Variants in USH2A observed in about 807,000 individuals in gnomAD.
USH2A encodes the protein Usher syndrome 2A (autosomal recessive, mild).
In USH2A, 443 loss-of-function variants were observed where a neutral mutation model predicts 538.9. The ratio of observed to expected loss-of-function variants is 0.82; its 90% CI spans 0.76 to 0.89. The LOEUF (loss-of-function observed/expected upper bound fraction) is 0.89. USH2A is among the 40% of genes least tolerant of loss of function. The pLI, the probability that USH2A is intolerant of heterozygous loss-of-function variation, is 0.00. For synonymous variants in USH2A, 2,413 were observed against 2,273.5 expected (o/e 1.06, Z -1.75); for missense variants, 6,633 against 6,324.8 (o/e 1.05, Z -1.65).
chr1:215,674,065 G>T, intron 63 of USH2A, 35 bp downstream of exon 63: 1 of 1,613,592 alleles, frequency 6.2e-7, no homozygotes, highest in Non-Finnish European at 8.5e-7. Flanking sequence ...GTCAGCAGTG[G>T]CTTACTCTCA....
intron 22 of USH2A, among the ~76,000 whole-genome samples, chr1:216,089,960 G>A (rs1010064257): frequency 6.6e-6 from 1 of 151,872 alleles, no homozygotes. Flanking sequence ...AAGACTAAGT[G>A]AAAGATATCC....
At chr1:215,753,473 A>G (rs1660685478) in intron 58 of USH2A, among the ~76,000 whole-genome samples, 2 of 152,234 alleles carry the variant, frequency 1.3e-5, no homozygotes, top group South Asian at 4.1e-4. Context: ...ATGGAATACT[A>G]TGCAGCCATA....
Position 216,369,334 on chromosome 1 carries a change from A to G in USH2A, c.652-4249T>C, listed in dbSNP as rs1169304360. Among the ~76,000 whole-genome samples the G allele has an allele frequency of 2.0e-5, 3 of 152,170 alleles. No individual in the cohort carries two copies. The East Asian group carries it at 5.8e-4, about 29-fold the overall frequency. ...GTGGAATCCCCACACATCCCATCCT[A>G]TTGCTTACCATCCTAAACCTAAGGC... is the stretch of plus-strand genomic sequence containing the variant. On this transcript the variant is annotated intron_variant, in intron 3 of 71. Coordinates refer to ENST00000307340, the MANE Select transcript of USH2A (RefSeq NM_206933.4).
chr1:216,422,419 A>T lies in USH2A; in HGVS notation c.-83T>A. 1 of 1,592,406 alleles carries T rather than the reference A, an allele frequency of 6.3e-7. No homozygotes were observed. The highest frequency in any genetic ancestry group is 8.6e-7 in the Non-Finnish European group (1 of 1,167,158). The stretch of plus-strand genomic sequence containing the variant: ...ACGCCACTTGCCAGCAATACTTTGA[A>T]GCAGGGTACTTTAAGTGATGTTGCG... On this transcript the variant is annotated 5_prime_UTR_variant, in exon 2 of 72. Coordinates refer to ENST00000307340, the MANE Select transcript of USH2A (RefSeq NM_206933.4).
chr1:215,825,661 T>C (rs1410077788), intron 47 of USH2A, among the ~76,000 whole-genome samples: 2 of 152,218 alleles, frequency 1.3e-5, no homozygotes, highest in African/African-American at 4.8e-5. Context: ...AGGCTTTTTT[T>C]CTAATCGATT....
chr1:215,632,325 T>G (rs1656309226), intron 70 of USH2A, among the ~76,000 whole-genome samples: 1 of 152,212 alleles, frequency 6.6e-6, no homozygotes, highest in African/African-American at 2.4e-5. Flanking sequence ...TGCAGATAGT[T>G]CATGGTCCTC....
At chr1:215,891,408 C>A (rs910805852) in intron 40 of USH2A, among the ~76,000 whole-genome samples, 2 of 152,276 alleles carry the variant, frequency 1.3e-5, no homozygotes, top group South Asian at 2.1e-4. Flanking sequence ...TGACTCCTGG[C>A]ACTCTTTCAA....
intron 21 of USH2A, among the ~76,000 whole-genome samples, chr1:216,151,549 A>G (rs1055613297): frequency 1.3e-5 from 2 of 152,178 alleles, no homozygotes; most frequent in Admixed American, 6.5e-5. Flanking sequence ...AACGTCTGTC[A>G]TGACCTTCTG....
intron 52 of USH2A, among the ~76,000 whole-genome samples, 171 bp from the exon 53 acceptor site, chr1:215,783,106 T>A: frequency 6.6e-6 from 1 of 152,096 alleles, no homozygotes; most frequent in Non-Finnish European, 1.5e-5. Context: ...ATAAGTAACA[T>A]TTAAAGTATT....
intron 32 of USH2A, among the ~76,000 whole-genome samples, chr1:216,022,954 A>T (rs1668874477): frequency 6.6e-6 from 1 of 152,136 alleles, no homozygotes; most frequent in Non-Finnish European, 1.5e-5. Flanking sequence ...CAGTGGAGTA[A>T]CCGTGGCACT....
intron 49 of USH2A, among the ~76,000 whole-genome samples, chr1:215,803,599 G>C (rs1181195451): frequency 6.6e-6 from 1 of 152,086 alleles, no homozygotes; most frequent in Non-Finnish European, 1.5e-5. Context: ...CCTCTTCAAG[G>C]AGAACTACAA....
intron 61 of USH2A, among the ~76,000 whole-genome samples, chr1:215,721,229 C>G (rs1659649143): frequency 6.6e-6 from 1 of 152,114 alleles, no homozygotes; most frequent in Non-Finnish European, 1.5e-5. Flanking sequence ...CACCAGCCAC[C>G]ATGCTTGGCT....
At chr1:215,778,972 C>T (rs1045342397) in intron 55 of USH2A, among the ~76,000 whole-genome samples, 1 of 152,158 alleles carries the variant, frequency 6.6e-6, no homozygotes, top group African/African-American at 2.4e-5. Flanking sequence ...TCCCTTCTTC[C>T]CCAAACGTTT....
chr1:216,267,364 A>G (rs2036493240), intron 11 of USH2A, among the ~76,000 whole-genome samples: 1 of 152,170 alleles, frequency 6.6e-6, no homozygotes, highest in African/African-American at 2.4e-5. Context: ...TCCAGGAAAT[A>G]ATAGCAGAAT....
intron 3 of USH2A, among the ~76,000 whole-genome samples, chr1:216,379,830 G>A (rs537273135): frequency 2.0e-5 from 3 of 152,154 alleles, no homozygotes; most frequent in Admixed American, 6.6e-5. Context: ...TCCCCAGAGG[G>A]CTACACCACT....
chr1:215,723,649 T>C (rs2820709), intron 61 of USH2A, among the ~76,000 whole-genome samples: 123,909 of 152,192 alleles, frequency 0.81, 53,403 homozygotes, highest in Non-Finnish European at 0.97. Context: ...ATGGAGAAGG[T>C]TCTGTAGTTC....
chr1:215,717,170 T>C lies in USH2A; in HGVS notation c.12066+10860A>G, dbSNP rs147275645. On this transcript the variant is annotated intron_variant, in intron 61 of 71. Coordinates refer to ENST00000307340, the MANE Select transcript of USH2A (RefSeq NM_206933.4). ...TTGGTAAAACATTCCTTATTGGCTC[T>C]TAGACAACAAGTAGAAACCTGTTTT... Among the ~76,000 whole-genome samples, 444 of 152,296 alleles carry C rather than the reference T, an allele frequency of 2.9e-3. 2 individuals carry two copies. The highest frequency in any genetic ancestry group is 0.01 in the African/African-American group (424 of 41,568).
At chr1:216,413,817 T>G (rs1401053393) in intron 3 of USH2A, among the ~76,000 whole-genome samples, 2 of 152,118 alleles carry the variant, frequency 1.3e-5, no homozygotes, top group African/African-American at 4.8e-5. Context: ...CTTCAAATCG[T>G]AGTAATTGTT....
intron 38 of USH2A, among the ~76,000 whole-genome samples, chr1:215,924,926 G>A (rs1432436399): frequency 2.6e-5 from 4 of 152,060 alleles, no homozygotes; most frequent in Non-Finnish European, 5.9e-5. Context: ...GGCTTGTTGA[G>A]TCCATAGTAA....
Sources: allele counts gnomAD v4.1 joint callset (sites outside exome capture counted in the v4.1 genomes callset), GRCh38; gene constraint gnomAD v4.1.1; transcripts MANE v1.5; gene names NCBI Gene and HGNC (gene_info 2026-07-23, HGNC 2026-07-21).